Variants in SPON1 observed in about 807,000 individuals in gnomAD.
The protein encoded by SPON1 is spondin-1.
Under a neutral mutation model 111.7 loss-of-function variants are expected in SPON1, and 52 were observed. The ratio of observed to expected loss-of-function variants is 0.47; its 90% CI spans 0.37 to 0.59. The LOEUF is 0.59. SPON1 is among the 20% of genes least tolerant of loss of function. SPON1 has a pLI of 0.00. For synonymous variants in SPON1, 410 were observed against 395.8 expected, an observed-to-expected ratio of 1.04 and a Z score of -0.43; for missense variants, 957 against 1,068.5, an observed-to-expected ratio of 0.90 and a Z score of 1.46.
At chr11:14,100,361 C>T (rs1206882497) in intron 5 of SPON1, among the ~76,000 whole-genome samples, 2 of 151,958 alleles carry the variant, frequency 1.3e-5, no homozygotes, top group Non-Finnish European at 2.9e-5. Flanking sequence ...TGTTATTATA[C>T]ATTTCTGATT....
chr11:14,014,283 G>A (rs1554914059), intron 2 of SPON1, among the ~76,000 whole-genome samples: 1 of 152,106 alleles, frequency 6.6e-6, no homozygotes. Flanking sequence ...GGGAAAGGAG[G>A]GGTTGTCATA....
In SPON1 at chr11:13,962,761, C is replaced by G; in HGVS notation, c.-144C>G. 1 of 723,340 alleles carries G rather than the reference C, an allele frequency of 1.4e-6. No individual in the cohort carries two copies. Among genetic ancestry groups the G allele is most frequent in the Non-Finnish European group, 2.1e-6 (1 of 477,328 alleles). 44.8% of individuals were successfully genotyped at this position (723,340 alleles called of 1,614,324 possible). A position where few individuals can be genotyped will look rare whatever the true frequency, so the allele number is the denominator to read the frequency against. ...TCCGCGGCCGCCAAGCCGAGGCGGGCACGGTCTCCGAGTCGCGGACGCCAG... is the reference window on the plus strand; with the variant it reads ...TCCGCGGCCGCCAAGCCGAGGCGGGGACGGTCTCCGAGTCGCGGACGCCAG... On this transcript the variant is annotated 5_prime_UTR_variant, in exon 1 of 16. Coordinates refer to ENST00000576479, the MANE Select transcript of SPON1 (RefSeq NM_006108.4).
rs185347532 is a variant in SPON1, at chr11:14,186,711, G to C, written c.825+51143G>C. Among the ~76,000 whole-genome samples the C allele has an allele frequency of 2.3e-3, 355 of 152,174 alleles. 2 individuals carry two copies. Among genetic ancestry groups the C allele is most frequent in the Admixed American group, 0.018 (279 of 15,284 alleles). On this transcript the variant is annotated intron_variant, in intron 6 of 15. Coordinates refer to ENST00000576479, the MANE Select transcript of SPON1 (RefSeq NM_006108.4). ...GACTACATTTCCCATTTATATCCTT[G>C]TGCAGGGCCCTGTGAACTTGATTCA...
intron 6 of SPON1, among the ~76,000 whole-genome samples, chr11:14,180,399 G>C (rs2133886959): frequency 6.6e-6 from 1 of 152,256 alleles, no homozygotes; most frequent in South Asian, 2.1e-4. Context: ...TGGGCTCCTA[G>C]AACTTCCTCC....
At chr11:14,055,968 C>A (rs1848742092) in intron 3 of SPON1, among the ~76,000 whole-genome samples, 1 of 152,166 alleles carries the variant, frequency 6.6e-6, no homozygotes, top group South Asian at 2.1e-4. Flanking sequence ...CAAAGATTAC[C>A]CCTGTACAAG....
chr11:14,241,023 A>G (rs1444959570), intron 6 of SPON1, among the ~76,000 whole-genome samples: 1 of 152,162 alleles, frequency 6.6e-6, no homozygotes, highest in Non-Finnish European at 1.5e-5. Context: ...ATGGTACAGA[A>G]CAAGATATTC....
At chr11:14,170,180 G>T (rs1252055921) in intron 6 of SPON1, among the ~76,000 whole-genome samples, 1 of 152,116 alleles carries the variant, frequency 6.6e-6, no homozygotes, top group Non-Finnish European at 1.5e-5. Context: ...TTGAGCAGTG[G>T]TTTGTAGTTC....
At chr11:14,000,880 G>C (rs1280051846) in intron 2 of SPON1, among the ~76,000 whole-genome samples, 1 of 152,038 alleles carries the variant, frequency 6.6e-6, no homozygotes, top group Non-Finnish European at 1.5e-5. Flanking sequence ...TATAAGCTTG[G>C]CCACTTAATT....
rs545605376 is a variant in SPON1, at chr11:14,055,755, T to C, written c.479+14101T>C. Among the ~76,000 whole-genome samples the C allele has an allele frequency of 2.6e-5, 4 of 152,246 alleles. No individual in the cohort carries two copies. In the South Asian group the frequency reaches 6.2e-4, roughly 24 times the overall value. ...CATTATGGTTAGGGCCAAACAGCAA[T>C]GGTTAATAAGATGTTGAGGACTTGG... On this transcript the variant is annotated intron_variant, in intron 3 of 15. Transcript: ENST00000576479.
chr11:14,053,638 A>T (rs1848723777), intron 3 of SPON1, among the ~76,000 whole-genome samples: 1 of 152,216 alleles, frequency 6.6e-6, no homozygotes, highest in Non-Finnish European at 1.5e-5. Context: ...TTAACTTTTC[A>T]GTCCCTATTT....
chr11:14,242,316 G>C (rs1848937414), intron 6 of SPON1, among the ~76,000 whole-genome samples: 1 of 152,212 alleles, frequency 6.6e-6, no homozygotes, highest in South Asian at 2.1e-4. Flanking sequence ...GTCGCTATGA[G>C]CCAGCCAAGC....
intron 6 of SPON1, among the ~76,000 whole-genome samples, chr11:14,211,129 G>A (rs1554936684): frequency 2.0e-5 from 3 of 151,926 alleles, no homozygotes; most frequent in African/African-American, 7.3e-5. Flanking sequence ...GTTCTGGCCA[G>A]GGCAATCAGG....
At chr11:14,094,774 G>T (rs1591374072) in intron 5 of SPON1, among the ~76,000 whole-genome samples, 2 of 152,352 alleles carry the variant, frequency 1.3e-5, no homozygotes, top group African/African-American at 4.8e-5. Context: ...TGATGAAGAG[G>T]TTAGGGCAGG....
chr11:14,035,672 C>A (rs940192396), intron 2 of SPON1, among the ~76,000 whole-genome samples: 14 of 150,024 alleles, frequency 9.3e-5, no homozygotes, highest in Non-Finnish European at 2.1e-4. Flanking sequence ...GACTGGAGTG[C>A]AGTGGCACAA....
chr11:14,099,493 G>T (rs11023090), intron 5 of SPON1, among the ~76,000 whole-genome samples: 65,762 of 151,898 alleles, frequency 0.43, 15,341 homozygotes, highest in South Asian at 0.66. Flanking sequence ...TTTTCTTAGT[G>T]TAGCTCTGAG....
At chr11:14,053,789 G>C (rs548231018) in intron 3 of SPON1, among the ~76,000 whole-genome samples, 1 of 152,282 alleles carries the variant, frequency 6.6e-6, no homozygotes, top group Admixed American at 6.5e-5. Context: ...GGGTCACAAA[G>C]TATGAAACAG....
At chr11:14,137,701 G>A (rs1360645656) in intron 6 of SPON1, among the ~76,000 whole-genome samples, 1 of 152,284 alleles carries the variant, frequency 6.6e-6, no homozygotes, top group East Asian at 1.9e-4. Context: ...AGAATCTCAA[G>A]ATGGCAGTAC....
chr11:14,157,090 C>T (rs1410056007), intron 6 of SPON1, among the ~76,000 whole-genome samples: 4 of 152,156 alleles, frequency 2.6e-5, no homozygotes, highest in Admixed American at 6.6e-5. Flanking sequence ...CCCTACAACA[C>T]ATTATTAGTA....
chr11:14,060,767 A>G (rs1326569465), intron 3 of SPON1, among the ~76,000 whole-genome samples: 2 of 152,212 alleles, frequency 1.3e-5, no homozygotes, highest in Non-Finnish European at 2.9e-5. Context: ...CACTCAGTAG[A>G]TGCTAGTTAT....
Sources: allele counts gnomAD v4.1 joint callset (sites outside exome capture counted in the v4.1 genomes callset), GRCh38; gene constraint gnomAD v4.1.1; transcripts MANE v1.5; gene names NCBI Gene and HGNC (gene_info 2026-07-23, HGNC 2026-07-21).